Variants in ZNF804B observed in about 807,000 individuals in gnomAD.
ZNF804B encodes zinc finger protein 804B, also known as zinc finger 804B.
ZNF804B carries 80 observed loss-of-function variants against 101.4 expected under a neutral mutation model. The observed-to-expected ratio is 0.79, with a 90% CI of 0.66 to 0.95. The LOEUF (loss-of-function observed/expected upper bound fraction) is 0.95, where lower values mean the gene tolerates loss of function less well. Among genes scored for constraint, ZNF804B ranks in the 40% least tolerant of loss-of-function variants. The pLI is 0.00. For synonymous variants in ZNF804B, 622 were observed against 558.8 expected (o/e 1.11, Z -1.59); for missense variants, 1,673 against 1,561.9 (o/e 1.07, Z -1.20).
chr7:88,843,565 G>C (rs1253783725), intron 1 of ZNF804B, among the ~76,000 whole-genome samples: 2 of 151,854 alleles, frequency 1.3e-5, no homozygotes, highest in African/African-American at 4.8e-5. Context: ...GTCAAACCCC[G>C]TCTCTACTAA....
chr7:89,258,925 G>A (rs1338029711), intron 2 of ZNF804B, among the ~76,000 whole-genome samples: 1 of 152,084 alleles, frequency 6.6e-6, no homozygotes, highest in Non-Finnish European at 1.5e-5. Flanking sequence ...GGAGGCAGGA[G>A]AGGCAAACAT....
chr7:88,868,098 C>T (rs1179569576), intron 1 of ZNF804B, among the ~76,000 whole-genome samples: 1 of 147,152 alleles, frequency 6.8e-6, no homozygotes, highest in Admixed American at 6.8e-5. Context: ...TTATGCTTTT[C>T]TTTAAGCAAC....
Position 88,854,527 on chromosome 7 carries a change from T to TTTCCTTCCCTTCC in ZNF804B, c.108+94451_108+94452insCTTCCTTCCTTCC, listed in dbSNP as rs1791520224. Among the ~76,000 whole-genome samples the TTTCCTTCCCTTCC allele has an allele frequency of 3.5e-4, 14 of 40,080 alleles. No individual in the cohort carries two copies. The East Asian group carries it at 5.4e-3, about 15-fold the overall frequency. 26.3% of individuals were successfully genotyped at this position (40,080 alleles called of 152,430 possible). On this transcript the variant is annotated intron_variant, in intron 1 of 3. Transcript: ENST00000333190. ...CTTTCCTTTCCTTTCCTTTCCTTCC[T>TTTCCTTCCCTTCC]TTCCTTCCTTCCTTCCTTCCTTCCT...
chr7:88,801,564 C>G (rs965000627), intron 1 of ZNF804B, among the ~76,000 whole-genome samples: 2 of 152,092 alleles, frequency 1.3e-5, no homozygotes, highest in Non-Finnish European at 2.9e-5. Context: ...ATTGTTTCAA[C>G]TTTGCTGAAA....
intron 1 of ZNF804B, among the ~76,000 whole-genome samples, chr7:88,829,302 A>G (rs904730577): frequency 6.6e-6 from 1 of 152,076 alleles, no homozygotes; most frequent in Non-Finnish European, 1.5e-5. Flanking sequence ...TGAAGGCTAC[A>G]TTGACCAGGC....
At position 88,979,738 on chromosome 7, in the gene ZNF804B, A is replaced by T. The variant is rs941268171; in HGVS notation, c.108+219654A>T. On this transcript the variant is annotated intron_variant, in intron 1 of 3. Transcript: ENST00000333190. Reference sequence around the variant, plus strand: ...GTTCTATAACCTTCTTGTACTTTTCAATATTGATATGTTTCTCTATGTTTG... The same window carrying T: ...GTTCTATAACCTTCTTGTACTTTTCTATATTGATATGTTTCTCTATGTTTG... Among the ~76,000 whole-genome samples, 6 of 150,986 alleles carry T rather than the reference A, an allele frequency of 4.0e-5. No homozygotes were observed. The East Asian group carries it at 7.8e-4, about 20-fold the overall frequency.
At chr7:88,877,057 T>A (rs1490138204) in intron 1 of ZNF804B, among the ~76,000 whole-genome samples, 77 of 63,940 alleles carry the variant, frequency 1.2e-3, no homozygotes, top group African/African-American at 6.9e-3. Context: ...ATATTTTTTT[T>A]TTTTTTTTTT....
At chr7:88,765,377 A>G (rs1416656921) in intron 1 of ZNF804B, among the ~76,000 whole-genome samples, 1 of 152,166 alleles carries the variant, frequency 6.6e-6, no homozygotes, top group Non-Finnish European at 1.5e-5. Flanking sequence ...AAAAGAAAAC[A>G]TAATGTTAGT....
chr7:89,074,051 G>A (rs1789580892), intron 1 of ZNF804B, among the ~76,000 whole-genome samples: 1 of 152,106 alleles, frequency 6.6e-6, no homozygotes, highest in African/African-American at 2.4e-5. Context: ...ATTGAGGGAA[G>A]TAAAGATGAG....
intron 2 of ZNF804B, among the ~76,000 whole-genome samples, chr7:89,221,748 T>C (rs547366184): frequency 7.4e-5 from 10 of 134,920 alleles, no homozygotes; most frequent in Non-Finnish European, 1.6e-4. Flanking sequence ...TCTATTCTAT[T>C]CTATCTATAT....
At chr7:88,764,619 A>T (rs1211701553) in intron 1 of ZNF804B, among the ~76,000 whole-genome samples, 1 of 152,192 alleles carries the variant, frequency 6.6e-6, no homozygotes, top group Non-Finnish European at 1.5e-5. Flanking sequence ...TACCTTGAAG[A>T]TACATCCATC....
chr7:88,824,101 C>G (rs73705543), intron 1 of ZNF804B, among the ~76,000 whole-genome samples: 2 of 152,144 alleles, frequency 1.3e-5, no homozygotes, highest in African/African-American at 2.4e-5. Flanking sequence ...TCTGGTTTAG[C>G]CTTCTCTACA....
At chr7:89,230,854 A>G (rs73397187) in intron 2 of ZNF804B, among the ~76,000 whole-genome samples, 17 of 152,190 alleles carry the variant, frequency 1.1e-4, no homozygotes, top group African/African-American at 4.1e-4. Flanking sequence ...AATATGCAAC[A>G]TATTTTCATT....
chr7:89,305,597 T>G, intron 2 of ZNF804B, among the ~76,000 whole-genome samples: 1 of 152,002 alleles, frequency 6.6e-6, no homozygotes, highest in Admixed American at 6.6e-5. Context: ...ATAACAAATT[T>G]CCTATAGTTG....
At chr7:89,088,904 C>T (rs1004069957) in intron 1 of ZNF804B, among the ~76,000 whole-genome samples, 4 of 151,888 alleles carry the variant, frequency 2.6e-5, no homozygotes, top group East Asian at 1.9e-4. Context: ...ACTGAACAGT[C>T]GTCCTGCTAC....
intron 1 of ZNF804B, among the ~76,000 whole-genome samples, chr7:88,775,273 T>C (rs1288670667): frequency 2.0e-5 from 3 of 152,136 alleles, no homozygotes; most frequent in Non-Finnish European, 4.4e-5. Context: ...AGGAGCTATT[T>C]TGGCATAGAG....
intron 1 of ZNF804B, among the ~76,000 whole-genome samples, chr7:88,898,951 A>G (rs1584004750): frequency 2.0e-5 from 3 of 152,196 alleles, no homozygotes; most frequent in Admixed American, 2.0e-4. Context: ...CACAGTCTTA[A>G]CCCTTGTCTC....
chr7:89,021,053 C>T (rs1584077938), intron 1 of ZNF804B, among the ~76,000 whole-genome samples: 1 of 152,178 alleles, frequency 6.6e-6, no homozygotes, highest in South Asian at 2.1e-4. Context: ...CATCCCTACA[C>T]TGATATCTAT....
intron 1 of ZNF804B, among the ~76,000 whole-genome samples, chr7:89,033,941 T>A (rs1788882422): frequency 6.6e-6 from 1 of 152,126 alleles, no homozygotes; most frequent in Non-Finnish European, 1.5e-5. Flanking sequence ...CTTTTATTAT[T>A]AGTGTAGCAT....
Sources: allele counts gnomAD v4.1 joint callset (sites outside exome capture counted in the v4.1 genomes callset), GRCh38; gene constraint gnomAD v4.1.1; transcripts MANE v1.5; gene names NCBI Gene and HGNC (gene_info 2026-07-23, HGNC 2026-07-21).